LAD1: variants seen among roughly 807,000 people sequenced by gnomAD.
LAD1 encodes ladinin-1.
LAD1 carries 53 observed loss-of-function variants against 54.2 expected under a neutral mutation model. The ratio of observed to expected loss-of-function variants is 0.98; its 90% confidence interval spans 0.78 to 1.23. The LOEUF (loss-of-function observed/expected upper bound fraction) is 1.23. Ranked by LOEUF, LAD1 falls within the 50% of genes most tolerant of loss-of-function variation. The pLI is 0.00. For missense variants in LAD1, 637 were observed against 653.3 expected, an observed-to-expected ratio of 0.98 and a Z score of 0.27; for synonymous variants, 231 against 257.7, an observed-to-expected ratio of 0.90 and a Z score of 0.99.
chr1:201,384,494 C>T (rs1445480776), intron 5 of LAD1, among the ~76,000 whole-genome samples: 3 of 152,100 alleles, frequency 2.0e-5, no homozygotes, highest in Admixed American at 6.5e-5. Context: ...CCCAGAAAGC[C>T]CCCTTTCCCT....
At position 201,389,276 on chromosome 1, in the gene LAD1, A is replaced by G. The variant is rs1320289368; in HGVS notation, c.66T>C (p.Asp22=). The part of the protein sequence containing the change: ...SSLARQRTLE[D]EEEQERERRR... ...TGCGCTCGCGCTCCTGTTCCTCCTC[A>G]TCCTCCAGAGTCCTCTGCCGGGCAA... is the stretch of plus-strand genomic sequence containing the variant. The change falls in exon 2 of 10, where the codon GAT becomes GAC. Residue 22 remains aspartate, a synonymous_variant. Transcript: ENST00000391967. 1 of 1,613,538 alleles carries G rather than the reference A, an allele frequency of 6.2e-7. No homozygotes were observed. Among genetic ancestry groups the G allele is most frequent in the Non-Finnish European group, 8.5e-7 (1 of 1,179,934 alleles).
chr1:201,395,607 A>G (rs1251723337), intron 1 of LAD1, among the ~76,000 whole-genome samples: 1 of 152,070 alleles, frequency 6.6e-6, no homozygotes, highest in East Asian at 1.9e-4. Context: ...TAGAAAAAAA[A>G]TAGCTGGGTC....
At chr1:201,385,090 C>G (rs375369214) in intron 4 of LAD1, among the ~76,000 whole-genome samples, 1 of 152,202 alleles carries the variant, frequency 6.6e-6, no homozygotes, top group Non-Finnish European at 1.5e-5. Flanking sequence ...CGCAGGGCAC[C>G]TGTAACCACC....
At chr1:201,394,558 G>C (rs544427769) in intron 1 of LAD1, among the ~76,000 whole-genome samples, 1 of 152,270 alleles carries the variant, frequency 6.6e-6, no homozygotes, top group East Asian at 1.9e-4. Flanking sequence ...GTGAGCTCTG[G>C]GTATTTGTAG....
Position 201,387,114 on chromosome 1 carries a change from C to G in LAD1, c.247G>C (p.Glu83Gln). Residue 83 changes from glutamate (E) to glutamine (Q), a missense_variant, in exon 3 of 10, where the codon GAG becomes CAG. By Grantham distance (29) the Glu-to-Gln change is conservative. Transcript: ENST00000391967. ...PLPPASKDED[E>Q]DIQSILRTRQ... ...GTTCTGAGGATGCTCTGGATGTCCT[C>G]GTCCTCATCTTTGGAGGCTGGGGGC... 3 of 1,578,494 alleles carry G rather than the reference C, an allele frequency of 1.9e-6. No homozygotes were observed. Among genetic ancestry groups the G allele is most frequent in the Admixed American group, 3.7e-5 (2 of 53,712 alleles).
intron 1 of LAD1, among the ~76,000 whole-genome samples, chr1:201,397,027 G>A (rs1662302836): frequency 6.6e-6 from 1 of 152,150 alleles, no homozygotes; most frequent in Non-Finnish European, 1.5e-5. Context: ...CTCTGACCAG[G>A]GCACCCAGCC....
chr1:201,392,771 A>G (rs763792521), intron 1 of LAD1, among the ~76,000 whole-genome samples: 27 of 151,722 alleles, frequency 1.8e-4, no homozygotes, highest in Non-Finnish European at 3.7e-4. Context: ...TCTATTTTTA[A>G]TCTCTCTGGC....
At chr1:201,385,556 G>A in intron 4 of LAD1, 145 bp downstream of exon 4, 1 of 718,030 alleles carries the variant, frequency 1.4e-6, no homozygotes, top group African/African-American at 1.7e-5. Context: ...AACCTTGTTT[G>A]TTCAGGGCCA....
In LAD1 at chr1:201,386,928, T is replaced by TCCGG. The variant is rs1324664102; in HGVS notation, c.429_432dup (p.Arg145ProfsTer49). On this transcript the variant is annotated frameshift_variant, in exon 3 of 10. Transcript: ENST00000391967. LOFTEE classifies it high-confidence loss of function. ...GGGCCCCGCTGTTCCCGACTCAGTC[T>TCCGG]CCGGCGAGGTGGGATTTCCAGTTCC... 6.2e-7 allele frequency: 1 copy of TCCGG among 1,612,938 alleles called. No homozygotes were observed. The highest frequency in any genetic ancestry group is 1.1e-5 in the South Asian group (1 of 90,910).
intron 1 of LAD1, among the ~76,000 whole-genome samples, chr1:201,395,904 G>A (rs1292903058): frequency 6.6e-6 from 1 of 152,236 alleles, no homozygotes; most frequent in Admixed American, 6.5e-5. Flanking sequence ...TGCCAGAAAA[G>A]GTATGGCCAG....
At position 201,387,509 on chromosome 1, in the gene LAD1, A is replaced by T. The variant is rs535964229; in HGVS notation, c.183-331T>A. On this transcript the variant is annotated intron_variant, in intron 2 of 9. Transcript: ENST00000391967. ...ATTGGGGATCAAAAGGAATAAGCAC[A>T]GTCTCTGCCCCTTAGATCTTAGATC... Among the ~76,000 whole-genome samples the T allele has an allele frequency of 8.3e-4, 127 of 152,382 alleles. 1 individual carries two copies. Among genetic ancestry groups the T allele is most frequent in the Non-Finnish European group, 3.8e-4 (26 of 68,036 alleles).
intron 1 of LAD1, chr1:201,391,222 C>T (rs1408404024): frequency 1.3e-5 from 6 of 447,230 alleles, no homozygotes; most frequent in African/African-American, 1.2e-4. Context: ...ACAACTTTCA[C>T]TTCTCTGGGG....
At position 201,382,678 on chromosome 1, in the gene LAD1, T is replaced by C; in HGVS notation, c.1448A>G (p.Gln483Arg). ...SRLNLWISRTQESGDQDPQEA... is the reference protein window; with the variant it reads ...SRLNLWISRTRESGDQDPQEA... ...CTGGGGGTCCTGATCTCCAGATTCCTGGGTCCTGCTGATCCACAGGTTGAG... is the reference window on the plus strand; with the variant it reads ...CTGGGGGTCCTGATCTCCAGATTCCCGGGTCCTGCTGATCCACAGGTTGAG... Residue 483 changes from glutamine to arginine, a missense_variant, in exon 8 of 10, where the codon CAG (glutamine) becomes CGG (arginine). Physicochemically the swap from Gln to Arg is conservative, Grantham distance 43 (BLOSUM62 1). Coordinates refer to ENST00000391967, the MANE Select transcript of LAD1 (RefSeq NM_005558.4). The C allele has an allele frequency of 1.2e-6, 2 of 1,606,956 alleles. No homozygotes were observed. Among genetic ancestry groups the C allele is most frequent in the Non-Finnish European group, 1.7e-6 (2 of 1,177,022 alleles).
At chr1:201,394,517 C>T (rs1662253228) in intron 1 of LAD1, among the ~76,000 whole-genome samples, 1 of 152,230 alleles carries the variant, frequency 6.6e-6, no homozygotes, top group Non-Finnish European at 1.5e-5. Flanking sequence ...GGAACTTAAA[C>T]AAGATTCCCC....
At position 201,384,789 on chromosome 1, in the gene LAD1, C is replaced by G. The variant is rs761742011; in HGVS notation, c.1175+3G>C. ...AAAGAACCAGAGCCTCCAGGCCCCC[C>G]ACCTGCGAGTTAGGGTTGTTTCCGA... On this transcript the variant is annotated splice_donor_region_variant and intron_variant, in intron 5 of 9. Coordinates refer to ENST00000391967, the MANE Select transcript of LAD1 (RefSeq NM_005558.4). 6.8e-6 allele frequency: 11 copies of G among 1,613,914 alleles called. No individual in the cohort carries two copies. The highest frequency in any genetic ancestry group is 2.2e-5 in the East Asian group (1 of 44,892).
At chr1:201,384,567 T>C (rs1397159370) in intron 5 of LAD1, among the ~76,000 whole-genome samples, 2 of 152,132 alleles carry the variant, frequency 1.3e-5, no homozygotes, top group Non-Finnish European at 2.9e-5. Context: ...CTGCCTCCTC[T>C]GAGCAGCTCT....
rs750976101 is a variant in LAD1, at chr1:201,387,072, G to C, written c.289C>G (p.Gln97Glu). The C allele has an allele frequency of 6.8e-6, 11 of 1,611,586 alleles. No homozygotes were observed. Among genetic ancestry groups the C allele is most frequent in the Non-Finnish European group, 6.8e-6 (8 of 1,179,074 alleles). The change falls in exon 3 of 10, where the codon CAG becomes GAG. Residue 97 changes from glutamine (Q) to glutamate (E), a missense_variant. By Grantham distance (29) the Gln-to-Glu change is conservative. Transcript: ENST00000391967. Reference sequence around the variant, plus strand: ...GCAGCCTCCACCACCTGCCGCCTCTGCCTCCGCTCCTGCCGTGTTCTGAGG... The same window carrying C: ...GCAGCCTCCACCACCTGCCGCCTCTCCCTCCGCTCCTGCCGTGTTCTGAGG... ...SILRTRQERR[Q>E]RRQVVEAAQA... is the part of the protein sequence containing the mutation.
chr1:201,383,417 G>A (rs768413702), intron 5 of LAD1, 28 bp from the exon 6 acceptor site: 1 of 1,610,646 alleles, frequency 6.2e-7, no homozygotes, highest in Non-Finnish European at 8.5e-7. Flanking sequence ...GAACAGGCGA[G>A]CCAAGTGAGA....
In LAD1 at chr1:201,381,746, CAG is replaced by C. The variant is rs1553291420; in HGVS notation, c.*140_*141del. 20 of 936,856 alleles carry C rather than the reference CAG, an allele frequency of 2.1e-5. No individual in the cohort carries two copies. The highest frequency in any genetic ancestry group is 2.1e-4 in the Middle Eastern group (1 of 4,778). 58.0% of individuals were successfully genotyped at this position (936,856 alleles called of 1,614,324 possible). A position where few individuals can be genotyped will look rare whatever the true frequency, so the allele number is the denominator to read the frequency against. On this transcript the variant is annotated 3_prime_UTR_variant, in exon 10 of 10. Coordinates refer to ENST00000391967, the MANE Select transcript of LAD1 (RefSeq NM_005558.4). ...TGAGTCTTGCAAATATTCCTGACCC[CAG>C]GGACCCTGGCCAAACAGATCCACAG...
Sources: gnomAD v4.1 joint callset for allele counts (sites outside exome capture counted in the v4.1 genomes callset) on GRCh38, gnomAD v4.1.1 for gene constraint, MANE v1.5 for transcripts, NCBI Gene and HGNC (gene_info 2026-07-23, HGNC 2026-07-21) for gene names.